Variants in LDLRAD4 observed in about 807,000 individuals in gnomAD.
The protein encoded by LDLRAD4 is low density lipoprotein receptor class A domain containing 4.
LDLRAD4 carries 5 observed loss-of-function variants against 17.0 expected under a neutral mutation model. The observed-to-expected ratio is 0.29, with a 90% confidence interval of 0.15 to 0.62. The LOEUF (loss-of-function observed/expected upper bound fraction) is 0.62, where lower values mean the gene tolerates loss of function less well. Ranked by LOEUF, LDLRAD4 falls within the 20% of genes least tolerant of loss-of-function variation. The probability of loss-of-function intolerance (pLI) is 0.84; values close to 1 mark genes in which losing one functional copy is unlikely to be tolerated. For missense variants in LDLRAD4, 340 were observed against 424.7 expected, an observed-to-expected ratio of 0.80 and a Z score of 1.75; for synonymous variants, 168 against 171.8, an observed-to-expected ratio of 0.98 and a Z score of 0.17.
intron 3 of LDLRAD4, among the ~76,000 whole-genome samples, chr18:13,592,326 AC>A: frequency 6.6e-6 from 1 of 152,224 alleles, no homozygotes. Flanking sequence ...ACCTATCTTT[AC>A]TGTACTCACT....
At chr18:13,499,762 T>C (rs1362378423) in intron 3 of LDLRAD4, among the ~76,000 whole-genome samples, 1 of 152,148 alleles carries the variant, frequency 6.6e-6, no homozygotes, top group Non-Finnish European at 1.5e-5. Context: ...CGTCCAGCCG[T>C]GGACACTGGA....
intron 1 of LDLRAD4, among the ~76,000 whole-genome samples, chr18:13,259,036 C>A (rs147583359): frequency 3.3e-5 from 5 of 152,242 alleles, no homozygotes; most frequent in African/African-American, 1.2e-4. Flanking sequence ...GTGCTCCATT[C>A]GGGATGACTG....
At chr18:13,434,125 G>A (rs549140703) in intron 2 of LDLRAD4, among the ~76,000 whole-genome samples, 304 of 152,224 alleles carry the variant, frequency 2.0e-3, no homozygotes, top group African/African-American at 7.0e-3. Flanking sequence ...AAACCCATCA[G>A]AAGCTTTATG....
intron 3 of LDLRAD4, among the ~76,000 whole-genome samples, chr18:13,470,462 C>T (rs75619863): frequency 0.091 from 13,739 of 150,654 alleles, 732 homozygotes; most frequent in East Asian, 0.17. Flanking sequence ...TGGCCACCAT[C>T]CTTGTGGCAC....
chr18:13,385,176 C>T (rs1196758945), intron 1 of LDLRAD4, among the ~76,000 whole-genome samples: 1 of 152,204 alleles, frequency 6.6e-6, no homozygotes, highest in Non-Finnish European at 1.5e-5. Context: ...AATGACCATT[C>T]TAATGGGTGT....
At chr18:13,509,506 A>T (rs1447324134) in intron 3 of LDLRAD4, among the ~76,000 whole-genome samples, 1 of 152,238 alleles carries the variant, frequency 6.6e-6, no homozygotes, top group African/African-American at 2.4e-5. Flanking sequence ...ACTTGAGTGG[A>T]TAAGGAGTTG....
At chr18:13,490,094 C>G (rs1235524751) in intron 3 of LDLRAD4, 3 of 152,054 alleles carry the variant, frequency 2.0e-5, no homozygotes, top group African/African-American at 7.2e-5. Context: ...GACTAGGAGG[C>G]TCCTGTTTTG....
chr18:13,311,854 C>T (rs1305946542), intron 1 of LDLRAD4, among the ~76,000 whole-genome samples: 8 of 139,568 alleles, frequency 5.7e-5, no homozygotes, highest in East Asian at 2.1e-4. Context: ...TTTTTTGAGA[C>T]GGAGTCTTGC....
intron 3 of LDLRAD4, among the ~76,000 whole-genome samples, chr18:13,562,419 C>T (rs982886600): frequency 2.6e-5 from 4 of 152,200 alleles, no homozygotes; most frequent in Non-Finnish European, 5.9e-5. Flanking sequence ...AATTTGTTAT[C>T]AATGAATTTG....
chr18:13,265,898 T>C (rs958659136), intron 1 of LDLRAD4, among the ~76,000 whole-genome samples: 5 of 151,980 alleles, frequency 3.3e-5, no homozygotes, highest in Admixed American at 6.6e-5. Context: ...CTCCCCTGGG[T>C]GGGTCCCTCT....
At chr18:13,542,103 T>A (rs1274423277) in intron 3 of LDLRAD4, among the ~76,000 whole-genome samples, 1 of 152,162 alleles carries the variant, frequency 6.6e-6, no homozygotes, top group Non-Finnish European at 1.5e-5. Context: ...CACTCTCTAC[T>A]CAAGTTCTAC....
At chr18:13,378,611 G>GA (rs1212831471) in intron 1 of LDLRAD4, among the ~76,000 whole-genome samples, 3 of 151,916 alleles carry the variant, frequency 2.0e-5, no homozygotes, top group African/African-American at 4.8e-5. Context: ...ATGAAAACAT[G>GA]AAAAAAAGCC....
intron 1 of LDLRAD4, among the ~76,000 whole-genome samples, chr18:13,230,814 G>T (rs557709706): frequency 1.2e-4 from 18 of 152,278 alleles, no homozygotes; most frequent in African/African-American, 4.3e-4. Flanking sequence ...CTCCTTTGCC[G>T]CCCTGACTCT....
At position 13,300,477 on chromosome 18, in the gene LDLRAD4, A is replaced by G. The variant is rs922520663; in HGVS notation, c.-383+22289A>G. 2.6e-5 allele frequency among the ~76,000 whole-genome samples: 4 copies of G among 152,198 alleles called. No homozygotes were observed. Among genetic ancestry groups the G allele is most frequent in the African/African-American group, 7.2e-5 (3 of 41,452 alleles). ...ACTGCTGCCCCAAGGGAGGCCTGCA[A>G]TAAGGCACCCGGTGCCAGCATGGAG... On this transcript the variant is annotated intron_variant, in intron 1 of 5. Coordinates refer to ENST00000359446, the Ensembl canonical transcript of LDLRAD4. This position sits in a 1 kb window ranked among gnomAD's most constrained non-coding sequence, Gnocchi z 4.2.
intron 2 of LDLRAD4, among the ~76,000 whole-genome samples, chr18:13,427,716 C>T (rs1002237307): frequency 2.0e-5 from 3 of 152,166 alleles, no homozygotes; most frequent in South Asian, 2.1e-4. Flanking sequence ...CAGGAGAGAA[C>T]GATTCCATAA....
At chr18:13,271,087 G>A (rs2044509039) in intron 1 of LDLRAD4, among the ~76,000 whole-genome samples, 1 of 152,164 alleles carries the variant, frequency 6.6e-6, no homozygotes. Context: ...TATTGGCTCA[G>A]TTTACCTAAA....
chr18:13,373,802 G>A (rs748490094), intron 1 of LDLRAD4, among the ~76,000 whole-genome samples: 5 of 152,128 alleles, frequency 3.3e-5, no homozygotes, highest in Non-Finnish European at 7.4e-5. Context: ...CTGAAACGTG[G>A]AGTATACTTT....
chr18:13,341,486 C>T (rs918421539), intron 1 of LDLRAD4, among the ~76,000 whole-genome samples: 3 of 151,930 alleles, frequency 2.0e-5, no homozygotes, highest in African/African-American at 7.2e-5. Flanking sequence ...ATTTCTGACA[C>T]TATTATAAAA....
At chr18:13,356,188 C>T (rs141813669) in intron 1 of LDLRAD4, among the ~76,000 whole-genome samples, 1 of 152,344 alleles carries the variant, frequency 6.6e-6, no homozygotes, top group Non-Finnish European at 1.5e-5. Context: ...TGGCTCCTGG[C>T]TGCCTGAGAG....
Sources: gnomAD v4.1 joint callset for allele counts (sites outside exome capture counted in the v4.1 genomes callset) on GRCh38, gnomAD v4.1.1 for gene constraint, Gnocchi (gnomAD v3.1) non-coding constraint, MANE v1.5 for transcripts, NCBI Gene and HGNC (gene_info 2026-07-23, HGNC 2026-07-21) for gene names.